The following KIF26B variants were observed in gnomAD, a reference collection of about 807,000 sequenced individuals.
KIF26B encodes kinesin-like protein KIF26B.
KIF26B carries 63 observed loss-of-function variants against 151.2 expected under a neutral mutation model. The observed-to-expected ratio is 0.42, with a 90% CI of 0.34 to 0.51. KIF26B has a LOEUF of 0.51. Among genes scored for constraint, KIF26B ranks in the 20% least tolerant of loss-of-function variants. The probability of loss-of-function intolerance (pLI) is 0.07; values close to 1 mark genes in which losing one functional copy is unlikely to be tolerated. For missense variants in KIF26B, 2,813 were observed against 2,913.6 expected, an observed-to-expected ratio of 0.97 and a Z score of 0.79; for synonymous variants, 1,357 against 1,262.1, an observed-to-expected ratio of 1.08 and a Z score of -1.59.
At chr1:245,450,280 G>A (rs551456222) in intron 4 of KIF26B, among the ~76,000 whole-genome samples, 4 of 152,256 alleles carry the variant, frequency 2.6e-5, no homozygotes, top group African/African-American at 7.2e-5. Flanking sequence ...GATTCCTTCC[G>A]AATCACTGGA....
chr1:245,298,385 T>C (rs1296321425), intron 2 of KIF26B, among the ~76,000 whole-genome samples: 2 of 152,196 alleles, frequency 1.3e-5, no homozygotes, highest in Non-Finnish European at 2.9e-5. Context: ...TTGAAGACAT[T>C]ATGCCAAGTG....
intron 2 of KIF26B, among the ~76,000 whole-genome samples, chr1:245,200,616 T>C (rs1669280467): frequency 6.6e-6 from 1 of 152,182 alleles, no homozygotes; most frequent in African/African-American, 2.4e-5. Context: ...CCTGCTTACT[T>C]TAATATACAT....
chr1:245,669,997 T>C (rs2044263366), intron 10 of KIF26B, among the ~76,000 whole-genome samples: 1 of 151,986 alleles, frequency 6.6e-6, no homozygotes. Flanking sequence ...GGAAAGGAGA[T>C]GGAGGATTAA....
chr1:245,207,429 G>C (rs114827814), intron 2 of KIF26B, among the ~76,000 whole-genome samples: 1 of 152,176 alleles, frequency 6.6e-6, no homozygotes, highest in African/African-American at 2.4e-5. Flanking sequence ...CAACTTTGGC[G>C]GGAAGAGCTG....
chr1:245,677,295 A>G (rs2044368830), intron 10 of KIF26B, among the ~76,000 whole-genome samples: 1 of 152,094 alleles, frequency 6.6e-6, no homozygotes, highest in Non-Finnish European at 1.5e-5. Flanking sequence ...TGTTTGCAGA[A>G]CCTCTAGCAT....
At chr1:245,446,066 G>A (rs914743021) in intron 4 of KIF26B, among the ~76,000 whole-genome samples, 3 of 152,074 alleles carry the variant, frequency 2.0e-5, no homozygotes, top group Non-Finnish European at 4.4e-5. Context: ...GTCATTGTGC[G>A]AACATCATAG....
rs114477657 is a variant in KIF26B, at chr1:245,403,928, C to T, written c.1000-15651C>T. Among the ~76,000 whole-genome samples the T allele has an allele frequency of 1.5e-3, 233 of 152,290 alleles. 3 individuals are homozygous for T. Among genetic ancestry groups the T allele is most frequent in the South Asian group, 0.013 (62 of 4,820 alleles). ...GGGCTTACTACAAGTGCTACGTATT[C>T]TCAATTTGTATCAAAAATTGTAGTT... On this transcript the variant is annotated intron_variant, in intron 3 of 14. Transcript: ENST00000407071.
intron 10 of KIF26B, among the ~76,000 whole-genome samples, chr1:245,681,445 A>G (rs1044359191): frequency 4.6e-5 from 7 of 152,148 alleles, no homozygotes; most frequent in South Asian, 2.1e-4. Context: ...TCCTGACCTC[A>G]TGATCCACCC....
chr1:245,265,480 C>A (rs1670728241), intron 2 of KIF26B, among the ~76,000 whole-genome samples: 1 of 151,214 alleles, frequency 6.6e-6, no homozygotes, highest in South Asian at 2.1e-4. Flanking sequence ...ATCCTATATA[C>A]AAAAAATTAG....
chr1:245,401,629 G>A (rs1674002454), intron 3 of KIF26B, among the ~76,000 whole-genome samples: 1 of 152,216 alleles, frequency 6.6e-6, no homozygotes, highest in African/African-American at 2.4e-5. Flanking sequence ...AGCAGTTTGG[G>A]AGGCCGAGGC....
chr1:245,523,100 G>A (rs970845882), intron 4 of KIF26B, among the ~76,000 whole-genome samples: 2 of 152,182 alleles, frequency 1.3e-5, no homozygotes, highest in Non-Finnish European at 1.5e-5. Flanking sequence ...GCACAGGAAA[G>A]TTAAGGAACT....
chr1:245,533,468 C>G (rs1418742779), intron 4 of KIF26B, among the ~76,000 whole-genome samples: 1 of 152,118 alleles, frequency 6.6e-6, no homozygotes, highest in Non-Finnish European at 1.5e-5. Context: ...CACTTGAGCA[C>G]CCCTCAGACA....
intron 9 of KIF26B, among the ~76,000 whole-genome samples, chr1:245,640,122 G>GCGCTCTCTCTCTCTCT (rs1553299290): frequency 7.4e-5 from 4 of 53,984 alleles, no homozygotes; most frequent in East Asian, 1.8e-3. Flanking sequence ...ACTAATATTT[G>GCGCTCTCTCTCTCTCT]CTCTCTCTCT....
chr1:245,191,399 C>T (rs1245650717), intron 2 of KIF26B, among the ~76,000 whole-genome samples: 3 of 151,710 alleles, frequency 2.0e-5, no homozygotes, highest in Non-Finnish European at 4.4e-5. Context: ...CATTTAAACC[C>T]AGGAGACAGA....
chr1:245,535,535 G>T (rs760843056), intron 4 of KIF26B, among the ~76,000 whole-genome samples: 10 of 152,096 alleles, frequency 6.6e-5, no homozygotes, highest in African/African-American at 2.2e-4. Context: ...CCCACTGCAC[G>T]CATCCCTCTC....
chr1:245,403,324 C>G (rs533072581), intron 3 of KIF26B, among the ~76,000 whole-genome samples: 6 of 152,182 alleles, frequency 3.9e-5, no homozygotes, highest in African/African-American at 7.2e-5. Flanking sequence ...GCTTCTGTAG[C>G]CTCCAACCCC....
intron 10 of KIF26B, among the ~76,000 whole-genome samples, chr1:245,647,235 C>A (rs1245099665): frequency 6.6e-6 from 1 of 151,910 alleles, no homozygotes; most frequent in East Asian, 1.9e-4. Context: ...ACCATCCTGG[C>A]TAACACGGTG....
At chr1:245,270,856 CCCT>C (rs1292991515) in intron 2 of KIF26B, among the ~76,000 whole-genome samples, 1 of 152,170 alleles carries the variant, frequency 6.6e-6, no homozygotes, top group Non-Finnish European at 1.5e-5. Flanking sequence ...GAAACTTTCC[CCCT>C]ATGTTTTCTT....
intron 5 of KIF26B, among the ~76,000 whole-genome samples, chr1:245,551,434 A>G (rs12137419): frequency 0.33 from 49,938 of 152,102 alleles, 8,697 homozygotes; most frequent in Non-Finnish European, 0.38. Flanking sequence ...TCAGTAAGAT[A>G]CTCGCTGGGA....
Sources: allele counts gnomAD v4.1 joint callset (sites outside exome capture counted in the v4.1 genomes callset), GRCh38; gene constraint gnomAD v4.1.1; transcripts MANE v1.5; gene names NCBI Gene and HGNC (gene_info 2026-07-23, HGNC 2026-07-21).